PAPPA: variants seen among roughly 807,000 people sequenced by gnomAD.
The protein encoded by PAPPA is pappalysin-1.
In PAPPA, 60 loss-of-function variants were observed where a neutral mutation model predicts 164.0. The observed-to-expected ratio is 0.37, with a 90% CI of 0.30 to 0.45. The LOEUF is 0.45. PAPPA is among the 20% of genes least tolerant of loss of function. PAPPA has a pLI of 1.00. For missense variants in PAPPA, 1,782 were observed against 2,087.3 expected, an observed-to-expected ratio of 0.85 and a Z score of 2.85; for synonymous variants, 875 against 814.1, an observed-to-expected ratio of 1.07 and a Z score of -1.27.
intron 9 of PAPPA, among the ~76,000 whole-genome samples, chr9:116,293,524 G>A (rs1188292428): frequency 6.6e-6 from 1 of 152,246 alleles, no homozygotes; most frequent in Non-Finnish European, 1.5e-5. Flanking sequence ...TCTGAGATGT[G>A]AGTTCTGGGA....
intron 13 of PAPPA, 46 bp from the exon 14 acceptor site, chr9:116,344,497 G>C: frequency 6.3e-7 from 1 of 1,580,586 alleles, no homozygotes; most frequent in African/African-American, 1.3e-5. Flanking sequence ...GAGCATAGCT[G>C]TCCTGTGAGG....
intron 1 of PAPPA, among the ~76,000 whole-genome samples, chr9:116,173,096 A>G (rs541565387): frequency 6.6e-6 from 1 of 152,342 alleles, no homozygotes; most frequent in African/African-American, 2.4e-5. Flanking sequence ...TCTCAAGGTC[A>G]GCTAGAGACC....
chr9:116,299,337 C>G (rs1028226969), intron 9 of PAPPA, among the ~76,000 whole-genome samples: 2 of 152,100 alleles, frequency 1.3e-5, no homozygotes, highest in Non-Finnish European at 2.9e-5. Context: ...ATCGACCTGC[C>G]TGTATACCTG....
chr9:116,263,883 A>G (rs1845032918), intron 7 of PAPPA, among the ~76,000 whole-genome samples: 1 of 152,206 alleles, frequency 6.6e-6, no homozygotes, highest in South Asian at 2.1e-4. Flanking sequence ...ATCACTCGTG[A>G]CACATGCCAG....
At chr9:116,365,232 A>G (rs550245095) in intron 18 of PAPPA, among the ~76,000 whole-genome samples, 1 of 152,230 alleles carries the variant, frequency 6.6e-6, no homozygotes, top group African/African-American at 2.4e-5. Context: ...GGAGTCACCC[A>G]GACCAGCTCC....
chr9:116,162,531 A>G (rs1587934345), intron 1 of PAPPA, among the ~76,000 whole-genome samples: 2 of 152,202 alleles, frequency 1.3e-5, no homozygotes, highest in African/African-American at 4.8e-5. Context: ...TGCCTGGTCA[A>G]ACCCTGACTA....
At chr9:116,171,838 A>C (rs1313335225) in intron 1 of PAPPA, among the ~76,000 whole-genome samples, 1 of 152,216 alleles carries the variant, frequency 6.6e-6, no homozygotes. Flanking sequence ...AGTTGCTTGC[A>C]GACAGCAAGA....
chr9:116,383,467 T>TTTTA (rs1477888454), intron 21 of PAPPA, among the ~76,000 whole-genome samples: 2 of 152,194 alleles, frequency 1.3e-5, no homozygotes, highest in Non-Finnish European at 2.9e-5. Flanking sequence ...AAACGCTTCA[T>TTTTA]TTTATTAATA....
At chr9:116,358,871 T>G (rs1846386862) in intron 17 of PAPPA, among the ~76,000 whole-genome samples, 1 of 152,174 alleles carries the variant, frequency 6.6e-6, no homozygotes, top group Admixed American at 6.5e-5. Flanking sequence ...GTTGGTTGGG[T>G]TGATTCTAAA....
intron 10 of PAPPA, among the ~76,000 whole-genome samples, chr9:116,312,288 C>CTTTTTTTTTTTTTTTTTTTTTTTT (rs5900201): frequency 3.1e-4 from 40 of 129,592 alleles, no homozygotes; most frequent in South Asian, 5.1e-4. Flanking sequence ...TTCTTTCTTT[C>CTTTTTTTTTTTTTTTTTTTTTTTT]TTTTTTTTTT....
intron 6 of PAPPA, among the ~76,000 whole-genome samples, chr9:116,231,404 G>A (rs428959): frequency 0.47 from 70,251 of 151,048 alleles, 16,942 homozygotes; most frequent in East Asian, 0.73. Context: ...CTTACCTTCC[G>A]ACTACATGTC....
At chr9:116,162,835 G>C (rs1385260654) in intron 1 of PAPPA, among the ~76,000 whole-genome samples, 1 of 152,092 alleles carries the variant, frequency 6.6e-6, no homozygotes, top group African/African-American at 2.4e-5. Flanking sequence ...GCCAGGAATT[G>C]CCTTTTCCTC....
At chr9:116,242,250 G>A (rs1844745117) in intron 7 of PAPPA, among the ~76,000 whole-genome samples, 1 of 152,158 alleles carries the variant, frequency 6.6e-6, no homozygotes, top group South Asian at 2.1e-4. Flanking sequence ...CTTGGAAGAA[G>A]TGACATGTAA....
chr9:116,322,632 C>A (rs896257618), intron 10 of PAPPA, among the ~76,000 whole-genome samples: 1 of 152,112 alleles, frequency 6.6e-6, no homozygotes. Context: ...TCCTCAGGAC[C>A]CTTAAGAATC....
At chr9:116,354,946 T>C (rs1207385505) in intron 17 of PAPPA, among the ~76,000 whole-genome samples, 2 of 151,464 alleles carry the variant, frequency 1.3e-5, no homozygotes, top group African/African-American at 4.9e-5. Context: ...ACCTCTGCAT[T>C]CTCTACCTTA....
intron 7 of PAPPA, among the ~76,000 whole-genome samples, chr9:116,264,760 A>G (rs887829830): frequency 1.3e-5 from 2 of 152,242 alleles, no homozygotes; most frequent in Admixed American, 6.5e-5. Flanking sequence ...TTAAAAAATT[A>G]TTACTAAAAA....
chr9:116,282,386 A>T (rs1313186915), intron 9 of PAPPA, among the ~76,000 whole-genome samples: 1 of 152,238 alleles, frequency 6.6e-6, no homozygotes, highest in Non-Finnish European at 1.5e-5. Context: ...ACCCATGAAT[A>T]TGGAGGGCCA....
chr9:116,394,926 A>G (rs1446822396), intron 21 of PAPPA, among the ~76,000 whole-genome samples: 1 of 152,220 alleles, frequency 6.6e-6, no homozygotes, highest in Non-Finnish European at 1.5e-5. Context: ...AACAGGAATA[A>G]ACAAGATTGA....
At chr9:116,225,850 T>C (rs145030400) in intron 5 of PAPPA, among the ~76,000 whole-genome samples, 3 of 148,796 alleles carry the variant, frequency 2.0e-5, no homozygotes, top group African/African-American at 7.6e-5. Flanking sequence ...TCCATCCATC[T>C]ATCCATCCAT....
Sources: allele counts gnomAD v4.1 joint callset (sites outside exome capture counted in the v4.1 genomes callset), GRCh38; gene constraint gnomAD v4.1.1; transcripts MANE v1.5; gene names NCBI Gene and HGNC (gene_info 2026-07-23, HGNC 2026-07-21).